The following NDE1 variants were observed in gnomAD, a reference collection of about 807,000 sequenced individuals.
The protein encoded by NDE1 is nuclear distribution protein nudE homolog 1.
A neutral mutation model predicts 43.4 loss-of-function variants in NDE1; 28 were observed. The ratio of observed to expected loss-of-function variants is 0.65; its 90% CI spans 0.48 to 0.89. The LOEUF is 0.89. NDE1 is among the 40% of genes least tolerant of loss of function. NDE1 has a pLI of 0.00. For synonymous variants in NDE1, 184 were observed against 172.0 expected (o/e 1.07, Z -0.55); for missense variants, 441 against 434.1 (o/e 1.02, Z -0.14).
chr16:15,720,805 A>G, intron 8 of NDE1: 11 of 1,594,884 alleles, frequency 6.9e-6, no homozygotes, highest in Non-Finnish European at 9.4e-6. Context: ...AGGCCACCCG[A>G]CCTCCCTCTG....
At chr16:15,645,496 G>A (rs140416286), upstream of NDE1, among the ~76,000 whole-genome samples, 10 of 152,186 alleles carry the variant, frequency 6.6e-5, no homozygotes, top group East Asian at 1.9e-4. Context: ...CAAAACAGTC[G>A]TATTAAGTGG....
At chr16:15,703,796 C>T in intron 8 of NDE1, 1 of 733,808 alleles carries the variant, frequency 1.4e-6, no homozygotes, top group Admixed American at 2.3e-5. Context: ...CTACGTTGCC[C>T]AGGCTGGAGG....
intron 8 of NDE1, among the ~76,000 whole-genome samples, chr16:15,708,476 G>T (rs1397641808): frequency 6.6e-6 from 1 of 152,162 alleles, no homozygotes; most frequent in Non-Finnish European, 1.5e-5. Context: ...GTGGCTTTTG[G>T]CATGAAAGGA....
At chr16:15,688,676 A>G (rs981914517) in intron 5 of NDE1, among the ~76,000 whole-genome samples, 2 of 115,940 alleles carry the variant, frequency 1.7e-5, no homozygotes, top group African/African-American at 6.0e-5. Context: ...TGGATTGTCC[A>G]AGTTGTTTTT....
chr16:15,675,578 A>C (rs2037827534), intron 3 of NDE1, among the ~76,000 whole-genome samples: 1 of 151,982 alleles, frequency 6.6e-6, no homozygotes, highest in African/African-American at 2.4e-5. Context: ...CTAGGACTAC[A>C]GGTGCATGCC....
rs201587506 is a variant in NDE1, at chr16:15,677,865, C to G, written c.302C>G (p.Ala101Gly). Residue 101 changes from alanine (A) to glycine (G), a missense_variant, in exon 4 of 9, where the codon GCG becomes GGG. Ala to Gly is a moderately conservative substitution (Grantham distance 60). Coordinates refer to ENST00000396354, the MANE Select transcript of NDE1 (RefSeq NM_017668.3). ...ATCTCAGCCTTGGAGGATGACCTCG[C>G]GCAGACCAAAGCCATTAAAGACCAA... ...RQISALEDDLAQTKAIKDQLQ... is the reference protein window; with the variant it reads ...RQISALEDDLGQTKAIKDQLQ... The G allele has an allele frequency of 6.2e-7, 1 of 1,614,070 alleles. No homozygotes were observed. Among genetic ancestry groups the G allele is most frequent in the Non-Finnish European group, 8.5e-7 (1 of 1,180,016 alleles).
intron 1 of NDE1, among the ~76,000 whole-genome samples, chr16:15,653,809 C>T (rs2036619783): frequency 6.6e-6 from 1 of 151,440 alleles, no homozygotes; most frequent in Non-Finnish European, 1.5e-5. Flanking sequence ...CTCACTGCAA[C>T]CACCGCCTCC....
chr16:15,681,794 C>T (rs2038196616), intron 4 of NDE1, among the ~76,000 whole-genome samples: 1 of 152,056 alleles, frequency 6.6e-6, no homozygotes. Flanking sequence ...CTAACTGCAA[C>T]CTCCACCCTC....
At position 15,694,655 on chromosome 16, in the gene NDE1, T is replaced by TAG. The variant is rs1375969285; in HGVS notation, c.795+400_795+401dup. 5.1e-6 allele frequency: 5 copies of TAG among 984,922 alleles called. No individual in the cohort carries two copies. In the Admixed American group the frequency reaches 3.1e-4, roughly 61 times the overall value. 61.0% of individuals were successfully genotyped at this position (984,922 alleles called of 1,614,324 possible). ...GAGCCAATGCGTCCAGCCCCTTTCA[T>TAG]AGCAGTGTGGTGAGTTTTAGGTGTG... On this transcript the variant is annotated intron_variant, in intron 7 of 8. Coordinates refer to ENST00000396354, the MANE Select transcript of NDE1 (RefSeq NM_017668.3).
At chr16:15,716,239 TTC>T (rs1231472078) in intron 8 of NDE1, among the ~76,000 whole-genome samples, 3 of 152,128 alleles carry the variant, frequency 2.0e-5, no homozygotes, top group African/African-American at 7.2e-5. Flanking sequence ...GGCCTGGGGT[TTC>T]TGTTTGAGCC....
intron 1 of NDE1, among the ~76,000 whole-genome samples, chr16:15,659,027 TGGG>T (rs1378674008): frequency 6.6e-6 from 1 of 152,086 alleles, no homozygotes; most frequent in Non-Finnish European, 1.5e-5. Flanking sequence ...GAGGGATGAG[TGGG>T]TCGGGAAATA....
chr16:15,675,410 G>T (rs1344803585), intron 3 of NDE1, among the ~76,000 whole-genome samples: 1 of 147,578 alleles, frequency 6.8e-6, no homozygotes, highest in Non-Finnish European at 1.5e-5. Context: ...ATGTTGCCAG[G>T]CTGGTGATTT....
chr16:15,673,934 C>CA (rs1362393117), intron 3 of NDE1, among the ~76,000 whole-genome samples: 1 of 152,108 alleles, frequency 6.6e-6, no homozygotes, highest in African/African-American at 2.4e-5. Context: ...GACACCTGCT[C>CA]AGGAGGCTGG....
Position 15,725,700 on chromosome 16 carries a change from G to T in NDE1, c.*1449G>T, listed in dbSNP as rs1036709866. The T allele has an allele frequency of 5.0e-6, 2 of 398,704 alleles. No homozygotes were observed. The highest frequency in any genetic ancestry group is 4.4e-6 in the Non-Finnish European group (1 of 226,288). The allele number at this position is 398,704 out of a possible 1,614,324, so 24.7% of individuals were successfully genotyped here. Reference sequence around the variant, plus strand: ...AAACATCTCACTTAATTCTTCCCTCGCCCCTTGGTCCCTGGCTGTGGACAT... The same window carrying T: ...AAACATCTCACTTAATTCTTCCCTCTCCCCTTGGTCCCTGGCTGTGGACAT... On this transcript the variant is annotated 3_prime_UTR_variant, in exon 9 of 9. Transcript: ENST00000396354.
chr16:15,725,035 G>A lies in NDE1; in HGVS notation c.*784G>A, dbSNP rs758612978. On this transcript the variant is annotated 3_prime_UTR_variant, in exon 9 of 9. Transcript: ENST00000396354. ...CTGGTTAGTCAAAGCCTCTAGAAGGGGATCCTCGTTGAAAGGAGCCCTTTT... is the reference window on the plus strand; with the variant it reads ...CTGGTTAGTCAAAGCCTCTAGAAGGAGATCCTCGTTGAAAGGAGCCCTTTT... The A allele has an allele frequency of 1.3e-6, 2 of 1,564,366 alleles. No individual in the cohort carries two copies. The highest frequency in any genetic ancestry group is 1.7e-4 in the Middle Eastern group (1 of 5,988).
intron 1 of NDE1, among the ~76,000 whole-genome samples, chr16:15,653,972 C>T (rs2036627691): frequency 6.6e-6 from 1 of 152,078 alleles, no homozygotes; most frequent in Non-Finnish European, 1.5e-5. Context: ...CTCAGGTGAT[C>T]TGCCTGCCTC....
chr16:15,705,984 C>CAAAAAAA lies in NDE1; in HGVS notation c.947+9139_947+9145dup, dbSNP rs57451847. Among the ~76,000 whole-genome samples the CAAAAAAA allele has an allele frequency of 3.9e-3, 220 of 56,760 alleles. 38 individuals are homozygous for CAAAAAAA. The highest frequency in any genetic ancestry group is 0.013 in the African/African-American group (113 of 8,906). 37.2% of individuals were successfully genotyped at this position (56,760 alleles called of 152,430 possible). A position where few individuals can be genotyped will look rare whatever the true frequency, so the allele number is the denominator to read the frequency against. On this transcript the variant is annotated intron_variant, in intron 8 of 8. Coordinates refer to ENST00000396354, the MANE Select transcript of NDE1 (RefSeq NM_017668.3). ...TAGGCGACAGGGTGAGACTCCGTCTCAAAAAAAAAAAAAAAAAAAAATCAA... is the reference window on the plus strand; with the variant it reads ...TAGGCGACAGGGTGAGACTCCGTCTCAAAAAAAAAAAAAAAAAAAAAAAAAAAATCAA...
intron 2 of NDE1, among the ~76,000 whole-genome samples, chr16:15,665,976 G>A (rs530401957): frequency 3.6e-4 from 55 of 151,966 alleles, no homozygotes; most frequent in Admixed American, 2.1e-3. Context: ...GGCAGCTCTC[G>A]AACTCCCAAC....
rs922120010 is a variant in NDE1 at position 15,725,616 on chromosome 16, T to A, written c.*1365T>A. On this transcript the variant is annotated 3_prime_UTR_variant, in exon 9 of 9. Coordinates refer to ENST00000396354, the MANE Select transcript of NDE1 (RefSeq NM_017668.3). Reference sequence around the variant, plus strand: ...CCATTGACAAGGAGGATATGAATGATCTTGACACTGCTTATATGAGGGCGG... The same window carrying A: ...CCATTGACAAGGAGGATATGAATGAACTTGACACTGCTTATATGAGGGCGG... The A allele has an allele frequency of 7.4e-6, 3 of 403,954 alleles. No individual in the cohort carries two copies. Among genetic ancestry groups the A allele is most frequent in the African/African-American group, 6.2e-5 (3 of 48,640 alleles). 25.0% of individuals were successfully genotyped at this position (403,954 alleles called of 1,614,324 possible). A position where few individuals can be genotyped will look rare whatever the true frequency, so the allele number is the denominator to read the frequency against.
Sources: gnomAD v4.1 joint callset for allele counts (sites outside exome capture counted in the v4.1 genomes callset) on GRCh38, gnomAD v4.1.1 for gene constraint, MANE v1.5 for transcripts, NCBI Gene and HGNC (gene_info 2026-07-23, HGNC 2026-07-21) for gene names.